The following IL1RAPL2 variants were observed in gnomAD, a reference collection of about 807,000 sequenced individuals.
IL1RAPL2 encodes the protein interleukin 1 receptor accessory protein like 2, also known as X-linked interleukin-1 receptor accessory protein-like 2.
A neutral mutation model predicts 44.1 loss-of-function variants in IL1RAPL2; 3 were observed. That is an observed-to-expected ratio of 0.07 (90% CI 0.03 to 0.18). IL1RAPL2 has a LOEUF of 0.18. IL1RAPL2 is among the 10% of genes least tolerant of loss of function. IL1RAPL2 has a pLI of 1.00. For missense variants in IL1RAPL2, 391 were observed against 496.4 expected (o/e 0.79, Z 2.02); for synonymous variants, 181 against 178.8 (o/e 1.01, Z -0.10).
chrX:105,668,919 G>T (rs143327902), intron 6 of IL1RAPL2, among the ~76,000 whole-genome samples: 1 of 111,454 alleles, frequency 9.0e-6, no homozygotes, highest in Non-Finnish European at 1.9e-5. Flanking sequence ...TCCAAATACC[G>T]TCATTAACAT....
In IL1RAPL2 at chrX:105,470,453, G is replaced by A. The variant is rs5962530; in HGVS notation, c.698-13860G>A. ...CCAAATGGGTAGTAAGTTGCTTTTA[G>A]ACTATCTAGTCTGTGGAAGAAATTT... On this transcript the variant is annotated intron_variant, in intron 5 of 10. Coordinates refer to ENST00000372582, the MANE Select transcript of IL1RAPL2 (RefSeq NM_017416.2). 8.9e-3 allele frequency among the ~76,000 whole-genome samples: 997 copies of A among 111,906 alleles called. 5 individuals carry two copies. Among genetic ancestry groups the A allele is most frequent in the Non-Finnish European group, 0.012 (657 of 53,091 alleles).
At chrX:104,798,791 A>G (rs376502969) in intron 2 of IL1RAPL2, among the ~76,000 whole-genome samples, 4 of 111,049 alleles carry the variant, frequency 3.6e-5, no homozygotes, top group African/African-American at 1.3e-4. Context: ...TATAAATACA[A>G]TGTCCCTCAG....
chrX:105,651,075 G>T (rs2037639494), intron 6 of IL1RAPL2, among the ~76,000 whole-genome samples: 1 of 111,794 alleles, frequency 8.9e-6, no homozygotes, highest in African/African-American at 3.2e-5. Flanking sequence ...AGCTTTAATT[G>T]TGTGACTATT....
At chrX:104,665,906 C>T (rs1930479700) in intron 2 of IL1RAPL2, among the ~76,000 whole-genome samples, 1 of 111,214 alleles carries the variant, frequency 9.0e-6, no homozygotes, top group Non-Finnish European at 1.9e-5. Context: ...TTTTTGTAGG[C>T]TAGATTCCTA....
At chrX:105,452,082 C>A (rs962739993) in intron 5 of IL1RAPL2, among the ~76,000 whole-genome samples, 1 of 111,141 alleles carries the variant, frequency 9.0e-6, no homozygotes, top group African/African-American at 3.3e-5. Context: ...TCATCCCTGG[C>A]AAAATCTCCA....
At chrX:104,620,105 G>A (rs1276369251) in intron 1 of IL1RAPL2, among the ~76,000 whole-genome samples, 1 of 111,393 alleles carries the variant, frequency 9.0e-6, no homozygotes, top group African/African-American at 3.3e-5. Flanking sequence ...TTGGCTGGAA[G>A]TAAGATTGGA....
At chrX:104,631,562 T>C in intron 1 of IL1RAPL2, among the ~76,000 whole-genome samples, 1 of 111,864 alleles carries the variant, frequency 8.9e-6, no homozygotes, top group East Asian at 2.8e-4. Context: ...CTCATTGTGG[T>C]TTTGATTTAC....
chrX:105,090,621 G>A lies in IL1RAPL2; in HGVS notation c.83-104854G>A, dbSNP rs1489866390. Among the ~76,000 whole-genome samples, 3 of 112,200 alleles carry A rather than the reference G, an allele frequency of 2.7e-5. 1 individual carries two copies. Among genetic ancestry groups the A allele is most frequent in the Non-Finnish European group, 5.6e-5 (3 of 53,152 alleles). ...TCTGAGGTTACCTCAACTTCTCTTA[G>A]AGCCTATCAAGTACAAATATGTATG... is the stretch of plus-strand genomic sequence containing the variant. On this transcript the variant is annotated intron_variant, in intron 2 of 10. Coordinates refer to ENST00000372582, the MANE Select transcript of IL1RAPL2 (RefSeq NM_017416.2).
At chrX:104,637,523 T>A (rs1415470245) in intron 1 of IL1RAPL2, among the ~76,000 whole-genome samples, 1 of 110,983 alleles carries the variant, frequency 9.0e-6, no homozygotes, top group African/African-American at 3.3e-5. Flanking sequence ...TTTTTTTTTT[T>A]ATCATGAAGG....
In IL1RAPL2 at chrX:105,747,338, C is replaced by A. The variant is rs754562445; in HGVS notation, c.1049-1622C>A. Among the ~76,000 whole-genome samples, 28 of 107,786 alleles carry A rather than the reference C, an allele frequency of 2.6e-4. No homozygotes were observed. The East Asian group carries it at 3.8e-3, about 15-fold the overall frequency. 93.6% of individuals were successfully genotyped at this position (107,786 alleles called of 115,157 possible). On this transcript the variant is annotated intron_variant, in intron 8 of 10. Coordinates refer to ENST00000372582, the MANE Select transcript of IL1RAPL2 (RefSeq NM_017416.2). The stretch of plus-strand genomic sequence containing the variant: ...TGTTGGCATATTTTGTCCTTCACAG[C>A]AGCCCCACTCTCTTCCTTTTTCTAT...
At chrX:104,851,315 C>T (rs1602759276) in intron 2 of IL1RAPL2, among the ~76,000 whole-genome samples, 1 of 111,136 alleles carries the variant, frequency 9.0e-6, no homozygotes, top group African/African-American at 3.3e-5. Context: ...AAAACAGGCA[C>T]AAAGAAACAA....
chrX:104,889,780 C>T (rs1445612503), intron 2 of IL1RAPL2, among the ~76,000 whole-genome samples: 1 of 102,232 alleles, frequency 9.8e-6, no homozygotes, highest in Non-Finnish European at 2.0e-5. Flanking sequence ...TGAAATCTAT[C>T]TTTATTTTAC....
intron 1 of IL1RAPL2, among the ~76,000 whole-genome samples, chrX:104,608,828 T>C (rs1056957133): frequency 3.6e-5 from 4 of 111,040 alleles, no homozygotes; most frequent in African/African-American, 1.3e-4. Context: ...GTCTTTCAAT[T>C]GGGGCATTTA....
At chrX:105,141,915 C>T (rs2033129033) in intron 2 of IL1RAPL2, among the ~76,000 whole-genome samples, 1 of 111,730 alleles carries the variant, frequency 9.0e-6, no homozygotes, top group Admixed American at 9.5e-5. Context: ...ATAATAATAC[C>T]TTTAATATGC....
Position 105,195,545 on chromosome X carries a change from G to A in IL1RAPL2, c.153G>A (p.Val51=), listed in dbSNP as rs782591779. 1 of 1,210,112 alleles carries A rather than the reference G, an allele frequency of 8.3e-7. No homozygotes were observed. Among genetic ancestry groups the A allele is most frequent in the African/African-American group, 1.7e-5 (1 of 57,359 alleles). Residue 51 remains valine, a synonymous_variant, in exon 3 of 11, where the codon GTG becomes GTA. Transcript: ENST00000372582. ...CTTTGGCAGGTGAACCAGTCCGAGT[G>A]AAATGTGCCCTTTTCTACAGTTATA... ...YMALAGEPVR[V]KCALFYSYIR...
intron 2 of IL1RAPL2, among the ~76,000 whole-genome samples, chrX:105,086,709 T>A (rs911182576): frequency 1.2e-4 from 11 of 93,946 alleles, no homozygotes; most frequent in African/African-American, 6.7e-4. Context: ...TATATATGTG[T>A]GTGTGTGTGT....
intron 6 of IL1RAPL2, among the ~76,000 whole-genome samples, chrX:105,538,883 C>CAG (rs1323627580): frequency 9.0e-6 from 1 of 111,548 alleles, no homozygotes; most frequent in Non-Finnish European, 1.9e-5. Flanking sequence ...AGTAGCATTA[C>CAG]TACACACCAA....
At chrX:104,618,676 G>C (rs1929326362) in intron 1 of IL1RAPL2, among the ~76,000 whole-genome samples, 1 of 111,374 alleles carries the variant, frequency 9.0e-6, no homozygotes, top group Admixed American at 9.5e-5. Context: ...AGCTCTGCCT[G>C]GGTGTGTAGC....
intron 2 of IL1RAPL2, among the ~76,000 whole-genome samples, chrX:104,728,437 T>C (rs746934558): frequency 3.6e-5 from 4 of 111,485 alleles, no homozygotes; most frequent in African/African-American, 1.3e-4. Flanking sequence ...GTTACAAGTA[T>C]GATATGGTTT....
Sources: gnomAD v4.1 joint callset for allele counts (sites outside exome capture counted in the v4.1 genomes callset) on GRCh38, gnomAD v4.1.1 for gene constraint, MANE v1.5 for transcripts, NCBI Gene and HGNC (gene_info 2026-07-23, HGNC 2026-07-21) for gene names.